Variants in ICA1L observed in about 807,000 individuals in gnomAD.
ICA1L encodes the protein islet cell autoantigen 1 like, also known as islet cell autoantigen 1-like protein.
ICA1L carries 50 observed loss-of-function variants against 61.3 expected under a neutral mutation model. The observed-to-expected ratio is 0.82, with a 90% confidence interval of 0.65 to 1.03. The LOEUF (loss-of-function observed/expected upper bound fraction) is 1.03, where lower values mean the gene tolerates loss of function less well. Ranked by LOEUF, ICA1L falls within the 50% of genes least tolerant of loss-of-function variation. ICA1L has a pLI of 0.00. For missense variants in ICA1L, 508 were observed against 556.7 expected (o/e 0.91, Z 0.88); for synonymous variants, 161 against 191.3 (o/e 0.84, Z 1.31).
chr2:202,811,421 G>A (rs973968422), intron 9 of ICA1L, among the ~76,000 whole-genome samples: 5 of 152,030 alleles, frequency 3.3e-5, no homozygotes, highest in African/African-American at 4.8e-5. Flanking sequence ...TTGAGAGGCC[G>A]AGGTGGGCGG....
At chr2:202,814,598 A>G in intron 8 of ICA1L, 104 bp downstream of exon 8, 1 of 746,794 alleles carries the variant, frequency 1.3e-6, no homozygotes, top group Non-Finnish European at 2.3e-6. Flanking sequence ...AAAATGACAT[A>G]GGAATAAATA....
At chr2:202,794,983 C>T (rs1692878427) in intron 10 of ICA1L, among the ~76,000 whole-genome samples, 1 of 126,840 alleles carries the variant, frequency 7.9e-6, no homozygotes, top group African/African-American at 3.0e-5. Flanking sequence ...AAAAAGTAAA[C>T]ATGCAAAAAT....
Position 202,828,859 on chromosome 2 carries a change from C to A in ICA1L, c.151G>T (p.Ala51Ser). 6.2e-7 allele frequency: 1 copy of A among 1,613,732 alleles called. No homozygotes were observed. Reference protein sequence around the residue: ...HLVASDAELDAKLEVFHSVQE... With the variant: ...HLVASDAELDSKLEVFHSVQE... ...ATCCTCAAATTTACCTCAAGTTTAGCATCCAGTTCAGCATCAGACGCCACC... is the reference window on the plus strand; with the variant it reads ...ATCCTCAAATTTACCTCAAGTTTAGAATCCAGTTCAGCATCAGACGCCACC... Residue 51 changes from alanine to serine, a missense_variant, in exon 2 of 13, where the codon GCT becomes TCT. Coordinates refer to ENST00000358299, the MANE Select transcript of ICA1L (RefSeq NM_001288622.3).
chr2:202,807,762 C>T (rs1006315442), intron 9 of ICA1L, among the ~76,000 whole-genome samples: 1 of 152,054 alleles, frequency 6.6e-6, no homozygotes, highest in African/African-American at 2.4e-5. Context: ...CTTTGTCTTG[C>T]AACTTGGATA....
intron 9 of ICA1L, among the ~76,000 whole-genome samples, chr2:202,808,958 T>C (rs983272270): frequency 1.3e-5 from 2 of 152,028 alleles, no homozygotes; most frequent in Non-Finnish European, 2.9e-5. Context: ...CTATAATAAA[T>C]ACGTAACTCT....
chr2:202,844,320 G>A (rs1003227079), intron 1 of ICA1L: 2 of 152,026 alleles, frequency 1.3e-5, no homozygotes, highest in Non-Finnish European at 2.9e-5. Context: ...AGGCTGTAGT[G>A]AGCTATGAAT....
At chr2:202,788,027 G>T (rs1255329158) in intron 11 of ICA1L, among the ~76,000 whole-genome samples, 2 of 152,226 alleles carry the variant, frequency 1.3e-5, no homozygotes, top group South Asian at 2.1e-4. Context: ...GGAGCACTCA[G>T]TGTGATTATA....
At chr2:202,865,450 C>T (rs1349622355) in intron 1 of ICA1L, among the ~76,000 whole-genome samples, 2 of 144,384 alleles carry the variant, frequency 1.4e-5, no homozygotes, top group Non-Finnish European at 3.0e-5. Flanking sequence ...GCCTGGGTGA[C>T]AAAGCAAGAC....
chr2:202,848,058 T>G (rs1466045128), intron 1 of ICA1L, among the ~76,000 whole-genome samples: 1 of 152,102 alleles, frequency 6.6e-6, no homozygotes, highest in African/African-American at 2.4e-5. Flanking sequence ...AAGATGGGAA[T>G]AGTAGACACT....
At chr2:202,844,010 T>C (rs1694404318) in intron 1 of ICA1L, among the ~76,000 whole-genome samples, 1 of 152,246 alleles carries the variant, frequency 6.6e-6, no homozygotes, top group Non-Finnish European at 1.5e-5. Flanking sequence ...TTCTTTTTGA[T>C]TGTTGAATAG....
intron 9 of ICA1L, among the ~76,000 whole-genome samples, chr2:202,806,533 C>A (rs971653895): frequency 6.6e-6 from 1 of 151,836 alleles, no homozygotes; most frequent in Admixed American, 6.6e-5. Flanking sequence ...ATAGTCCCAG[C>A]TACTCGGGAG....
chr2:202,868,958 ACT>A (rs1172033122), intron 1 of ICA1L, among the ~76,000 whole-genome samples: 1 of 151,950 alleles, frequency 6.6e-6, no homozygotes, highest in Non-Finnish European at 1.5e-5. Context: ...ACAGAGCAAG[ACT>A]CTGTCTCAAA....
Position 202,812,585 on chromosome 2 carries a change from A to C in ICA1L, c.867-796T>G, listed in dbSNP as rs1032690846. ...GGGCAAGACTCCGTCTCAAACAAAA[A>C]AAAAAAGAAATTGAACACAGACATA... On this transcript the variant is annotated intron_variant, in intron 8 of 12. Coordinates refer to ENST00000358299, the MANE Select transcript of ICA1L (RefSeq NM_001288622.3). Among the ~76,000 whole-genome samples, 8 of 152,154 alleles carry C rather than the reference A, an allele frequency of 5.3e-5. No homozygotes were observed. In the East Asian group the frequency reaches 1.5e-3, roughly 29 times the overall value.
intron 9 of ICA1L, 99 bp downstream of exon 9, chr2:202,811,647 G>A (rs1391684363): frequency 3.8e-6 from 3 of 788,270 alleles, no homozygotes; most frequent in Non-Finnish European, 5.9e-6. Context: ...GGGGGACAGA[G>A]CAAGACTGTC....
intron 1 of ICA1L, chr2:202,840,568 C>T: frequency 1.8e-6 from 1 of 558,066 alleles, no homozygotes; most frequent in East Asian, 4.6e-5. Context: ...TGTTCTGCAT[C>T]CCAGACTCCA....
At chr2:202,842,403 G>A (rs976887489) in intron 1 of ICA1L, among the ~76,000 whole-genome samples, 1 of 152,100 alleles carries the variant, frequency 6.6e-6, no homozygotes, top group Non-Finnish European at 1.5e-5. Context: ...CATCATTTCT[G>A]GAGGTCTACT....
intron 1 of ICA1L, among the ~76,000 whole-genome samples, chr2:202,862,941 T>C (rs1435417421): frequency 6.6e-6 from 1 of 151,952 alleles, no homozygotes; most frequent in Non-Finnish European, 1.5e-5. Flanking sequence ...ATACCCACAG[T>C]TGTGGAATTC....
chr2:202,839,891 C>T (rs962292703), intron 1 of ICA1L, among the ~76,000 whole-genome samples: 3 of 151,836 alleles, frequency 2.0e-5, no homozygotes, highest in South Asian at 2.1e-4. Flanking sequence ...TACCATGAGG[C>T]TTACATAAAA....
rs1192183745 is a variant in ICA1L, at chr2:202,778,921, A to ACAT, written c.*609_*611dup. On this transcript the variant is annotated 3_prime_UTR_variant, in exon 13 of 13. Transcript: ENST00000358299. ...TCCATTATTTTGTATGAATGAAAAAACATTACATTTTAGCCTCCAAATGAA... is the reference window on the plus strand; with the variant it reads ...TCCATTATTTTGTATGAATGAAAAAACATCATTACATTTTAGCCTCCAAATGAA... 6.6e-6 allele frequency: 1 copy of ACAT among 152,626 alleles called. No individual in the cohort carries two copies. Among genetic ancestry groups the ACAT allele is most frequent in the African/African-American group, 2.4e-5 (1 of 41,448 alleles). 9.5% of individuals were successfully genotyped at this position (152,626 alleles called of 1,614,324 possible). A position where few individuals can be genotyped will look rare whatever the true frequency, so the allele number is the denominator to read the frequency against.
Sources: gnomAD v4.1 joint callset for allele counts (sites outside exome capture counted in the v4.1 genomes callset) on GRCh38, gnomAD v4.1.1 for gene constraint, MANE v1.5 for transcripts, NCBI Gene and HGNC (gene_info 2026-07-23, HGNC 2026-07-21) for gene names.